The following ZYG11A variants were observed in gnomAD, a reference collection of about 807,000 sequenced individuals.
The protein encoded by ZYG11A is protein zyg-11 homolog A.
Under a neutral mutation model 77.2 loss-of-function variants are expected in ZYG11A, and 62 were observed. The observed-to-expected ratio is 0.80, with a 90% CI of 0.65 to 0.99. ZYG11A has a LOEUF of 0.99. Among genes scored for constraint, ZYG11A ranks in the 50% least tolerant of loss-of-function variants. ZYG11A has a pLI of 0.00. For missense variants in ZYG11A, 828 were observed against 896.8 expected (o/e 0.92, Z 0.98); for synonymous variants, 315 against 324.6 (o/e 0.97, Z 0.32).
At chr1:52,853,044 G>A (rs958772914) in intron 1 of ZYG11A, among the ~76,000 whole-genome samples, 1 of 152,188 alleles carries the variant, frequency 6.6e-6, no homozygotes, top group Non-Finnish European at 1.5e-5. Context: ...CATCAACAGG[G>A]TCACCAGTTG....
At chr1:52,859,266 C>A in intron 3 of ZYG11A, among the ~76,000 whole-genome samples, 1 of 152,088 alleles carries the variant, frequency 6.6e-6, no homozygotes, top group East Asian at 1.9e-4. Flanking sequence ...TCTCTTCCCC[C>A]CTTGGATAAA....
At chr1:52,843,093 C>A in intron 1 of ZYG11A, 120 bp downstream of exon 1, 1 of 850,478 alleles carries the variant, frequency 1.2e-6, no homozygotes, top group Non-Finnish European at 1.7e-6. Context: ...CCGCGCGGGG[C>A]TGCGGTCTAG....
intron 2 of ZYG11A, among the ~76,000 whole-genome samples, chr1:52,854,992 G>A (rs1053635684): frequency 1.3e-5 from 2 of 152,052 alleles, no homozygotes; most frequent in Non-Finnish European, 2.9e-5. Context: ...AGCCTCCTGA[G>A]TAGCTGGGAT....
rs147122104 is a variant in ZYG11A, at chr1:52,842,842, C to G, written c.-42C>G. The G allele has an allele frequency of 5.3e-6, 8 of 1,515,204 alleles. No homozygotes were observed. Among genetic ancestry groups the G allele is most frequent in the Non-Finnish European group, 5.3e-6 (6 of 1,127,638 alleles). 93.9% of individuals were successfully genotyped at this position (1,515,204 alleles called of 1,614,324 possible). A position where few individuals can be genotyped will look rare whatever the true frequency, so the allele number is the denominator to read the frequency against. Reference sequence around the variant, plus strand: ...TTCTCGCGGGATCCGGGCTCCGGCTCGACGCCGGCTCTCTTTTTGACGCCC... The same window carrying G: ...TTCTCGCGGGATCCGGGCTCCGGCTGGACGCCGGCTCTCTTTTTGACGCCC... On this transcript the variant is annotated 5_prime_UTR_variant, in exon 1 of 14. Coordinates refer to ENST00000371528, the MANE Select transcript of ZYG11A (RefSeq NM_001004339.3).
At chr1:52,843,069 C>A in intron 1 of ZYG11A, 96 bp downstream of exon 1, 2 of 1,124,652 alleles carry the variant, frequency 1.8e-6, no homozygotes, top group Non-Finnish European at 2.4e-6. Flanking sequence ...GAGGCACTTG[C>A]TGGGGAGTGT....
intron 3 of ZYG11A, among the ~76,000 whole-genome samples, chr1:52,858,151 C>T (rs1645853594): frequency 1.3e-5 from 2 of 150,164 alleles, no homozygotes; most frequent in African/African-American, 2.4e-5. Context: ...AATCCCAGCA[C>T]TTTGGGAGGC....
Position 52,842,846 on chromosome 1 carries a change from G to T in ZYG11A, c.-38G>T. On this transcript the variant is annotated 5_prime_UTR_variant, in exon 1 of 14. Coordinates refer to ENST00000371528, the MANE Select transcript of ZYG11A (RefSeq NM_001004339.3). ...CGCGGGATCCGGGCTCCGGCTCGAC[G>T]CCGGCTCTCTTTTTGACGCCCCGCC... The T allele has an allele frequency of 6.6e-7, 1 of 1,520,518 alleles. No individual in the cohort carries two copies. Among genetic ancestry groups the T allele is most frequent in the Non-Finnish European group, 8.8e-7 (1 of 1,131,890 alleles). 94.2% of individuals were successfully genotyped at this position (1,520,518 alleles called of 1,614,324 possible).
chr1:52,864,730 C>T (rs487367), intron 5 of ZYG11A, among the ~76,000 whole-genome samples: 71,506 of 151,436 alleles, frequency 0.47, 18,267 homozygotes, highest in Non-Finnish European at 0.59. Flanking sequence ...CCGCAACCTC[C>T]GCCTCCTGGG....
At chr1:52,846,862 AT>A (rs1227525135) in intron 1 of ZYG11A, among the ~76,000 whole-genome samples, 2 of 137,448 alleles carry the variant, frequency 1.5e-5, no homozygotes, top group African/African-American at 5.3e-5. Flanking sequence ...GTCTGTTCAC[AT>A]TTACTTTTTT....
intron 8 of ZYG11A, among the ~76,000 whole-genome samples, chr1:52,876,038 AGTAGATTGGTAG>A (rs1646255796): frequency 6.6e-6 from 1 of 151,962 alleles, no homozygotes; most frequent in Non-Finnish European, 1.5e-5. Flanking sequence ...TGCAAATGCA[AGTAGATTGGTAG>A]CTTTTGTTAG....
At chr1:52,848,159 A>G (rs975048937) in intron 1 of ZYG11A, among the ~76,000 whole-genome samples, 1 of 151,772 alleles carries the variant, frequency 6.6e-6, no homozygotes, top group African/African-American at 2.4e-5. Context: ...GTGAGCCACC[A>G]TGCCCAGCTA....
intron 1 of ZYG11A, among the ~76,000 whole-genome samples, chr1:52,847,880 A>ATTTATTTT (rs1426031250): frequency 1.6e-4 from 7 of 42,800 alleles, no homozygotes; most frequent in Non-Finnish European, 2.1e-4. Context: ...TTATTTATTT[A>ATTTATTTT]TTTTTTTGAG....
intron 1 of ZYG11A, among the ~76,000 whole-genome samples, chr1:52,853,778 T>C (rs1023084225): frequency 6.6e-6 from 1 of 152,128 alleles, no homozygotes; most frequent in Non-Finnish European, 1.5e-5. Context: ...CATGGTGGCA[T>C]GGGCTTGTAG....
intron 11 of ZYG11A, among the ~76,000 whole-genome samples, chr1:52,885,468 T>G (rs1174421615): frequency 6.6e-6 from 1 of 152,222 alleles, no homozygotes; most frequent in Non-Finnish European, 1.5e-5. Flanking sequence ...CCTCCCAAAG[T>G]GCTGGGATTA....
At chr1:52,865,086 G>A (rs1278498001) in intron 5 of ZYG11A, among the ~76,000 whole-genome samples, 2 of 152,116 alleles carry the variant, frequency 1.3e-5, no homozygotes, top group African/African-American at 4.8e-5. Context: ...GGGATTACAG[G>A]CGCATGCCAC....
chr1:52,887,628 A>G (rs1449467406), intron 13 of ZYG11A, among the ~76,000 whole-genome samples: 1 of 151,744 alleles, frequency 6.6e-6, no homozygotes, highest in Non-Finnish European at 1.5e-5. Context: ...AAGTGCTGGG[A>G]TTACAGCACT....
rs1646360532 is a variant in ZYG11A at position 52,881,478 on chromosome 1, T to C, written c.1757T>C (p.Ile586Thr). 5 of 1,549,520 alleles carry C rather than the reference T, an allele frequency of 3.2e-6. No homozygotes were observed. The highest frequency in any genetic ancestry group is 1.4e-5 in the African/African-American group (1 of 73,026). The change falls in exon 11 of 14, where the codon ATA becomes ACA. Residue 586 changes from isoleucine to threonine, a missense_variant. Transcript: ENST00000371528. ...QSKVLGLLNN[I>T]AEVRELSSKL... The stretch of plus-strand genomic sequence containing the variant: ...GCTCCATCTGACCTGTAGAACAACA[T>C]AGCAGAAGTCAGAGAGCTCTCTTCC...
intron 13 of ZYG11A, among the ~76,000 whole-genome samples, chr1:52,889,540 C>T (rs1008675809): frequency 1.1e-4 from 17 of 151,934 alleles, no homozygotes; most frequent in Non-Finnish European, 2.1e-4. Flanking sequence ...GCATCAGCCT[C>T]CCAAAGTGCT....
At chr1:52,844,919 CATATT>C (rs1645533995) in intron 1 of ZYG11A, among the ~76,000 whole-genome samples, 2 of 151,988 alleles carry the variant, frequency 1.3e-5, no homozygotes, top group Non-Finnish European at 2.9e-5. Context: ...TCTACACAGT[CATATT>C]ATTTTCTTTT....
Sources: allele counts gnomAD v4.1 joint callset (sites outside exome capture counted in the v4.1 genomes callset), GRCh38; gene constraint gnomAD v4.1.1; transcripts MANE v1.5; gene names NCBI Gene and HGNC (gene_info 2026-07-23, HGNC 2026-07-21).